The following GTF2IRD1 variants were observed in gnomAD, a reference collection of about 807,000 sequenced individuals.
GTF2IRD1 encodes the protein general transcription factor II-I repeat domain-containing protein 1.
In GTF2IRD1, 26 loss-of-function variants were observed where a neutral mutation model predicts 113.2. The observed-to-expected ratio is 0.23, with a 90% CI of 0.17 to 0.32. GTF2IRD1 has a LOEUF of 0.32. Ranked by LOEUF, GTF2IRD1 falls within the 10% of genes least tolerant of loss-of-function variation. The probability of loss-of-function intolerance (pLI) is 1.00; values close to 1 mark genes in which losing one functional copy is unlikely to be tolerated. For missense variants in GTF2IRD1, 864 were observed against 1,280.8 expected (o/e 0.67, Z 4.97); for synonymous variants, 484 against 529.1 (o/e 0.91, Z 1.17).
At chr7:74,513,083 G>A (rs1196955017) in intron 3 of GTF2IRD1, 112 bp downstream of exon 3, 1 of 1,020,520 alleles carries the variant, frequency 9.8e-7, no homozygotes, top group East Asian at 2.4e-5. Flanking sequence ...TGTGTGGGGA[G>A]TGAACCTAAC....
At chr7:74,468,727 C>A (rs1325838761) in intron 1 of GTF2IRD1, among the ~76,000 whole-genome samples, 4 of 140,470 alleles carry the variant, frequency 2.8e-5, no homozygotes, top group African/African-American at 1.1e-4. Flanking sequence ...TGTGTGTAGC[C>A]TGGCAGACTT....
At chr7:74,459,731 G>A (rs1178097480) in intron 1 of GTF2IRD1, among the ~76,000 whole-genome samples, 1 of 152,144 alleles carries the variant, frequency 6.6e-6, no homozygotes, top group African/African-American at 2.4e-5. Context: ...CAATATTTGG[G>A]ATGAACTTCT....
intron 22 of GTF2IRD1, 118 bp downstream of exon 22, chr7:74,559,773 C>T: frequency 2.6e-6 from 2 of 773,770 alleles, no homozygotes; most frequent in Non-Finnish European, 3.9e-6. Flanking sequence ...GAAGCCAGGC[C>T]CCTGCCTTTC....
chr7:74,534,712 C>CA (rs1364971021), intron 9 of GTF2IRD1, among the ~76,000 whole-genome samples: 2 of 150,006 alleles, frequency 1.3e-5, no homozygotes, highest in South Asian at 2.1e-4. Context: ...GACTCCATCT[C>CA]AAAAAAAAAG....
intron 20 of GTF2IRD1, 109 bp from the exon 21 acceptor site, chr7:74,558,752 T>C: frequency 1.3e-6 from 1 of 757,510 alleles, no homozygotes; most frequent in Admixed American, 2.8e-5. Flanking sequence ...TCTCGTACCA[T>C]TCACTCTCCT....
rs781916322 is a variant in GTF2IRD1, at chr7:74,538,187, G to A, written c.1447+14G>A. ...ACTGTGGGCCAGGTGAGAAGGAACA[G>A]GGCCCGCTGTGTGTGTGGTGGGCCG... On this transcript the variant is annotated intron_variant, in intron 12 of 26. Coordinates refer to ENST00000424337, the MANE Select transcript of GTF2IRD1 (RefSeq NM_005685.4). The A allele has an allele frequency of 1.3e-5, 21 of 1,612,086 alleles. No individual in the cohort carries two copies. Among genetic ancestry groups the A allele is most frequent in the Admixed American group, 1.7e-5 (1 of 59,994 alleles).
chr7:74,463,501 T>G (rs1793510087), intron 1 of GTF2IRD1, among the ~76,000 whole-genome samples: 1 of 151,814 alleles, frequency 6.6e-6, no homozygotes, highest in Admixed American at 6.6e-5. Context: ...TCCCAAGTGC[T>G]GGGATTAGAG....
chr7:74,572,721 G>T (rs1401047918), intron 22 of GTF2IRD1: 2 of 172,144 alleles, frequency 1.2e-5, no homozygotes, highest in Non-Finnish European at 2.3e-5. Flanking sequence ...GCTCTTGAAA[G>T]CTCAAAATAA....
chr7:74,456,856 G>A (rs1793012557), intron 1 of GTF2IRD1, among the ~76,000 whole-genome samples: 1 of 152,004 alleles, frequency 6.6e-6, no homozygotes, highest in Non-Finnish European at 1.5e-5. Flanking sequence ...AGGGTAGGGG[G>A]TCAGGATTAT....
Position 74,527,617 on chromosome 7 carries a change from G to A in GTF2IRD1, c.1091-2117G>A, listed in dbSNP as rs587704897. Among the ~76,000 whole-genome samples, 17 of 152,324 alleles carry A rather than the reference G, an allele frequency of 1.1e-4. No homozygotes were observed. The South Asian group carries it at 2.9e-3, about 26-fold the overall frequency. ...AGCACTTTGGGAGGCCAAGGCAGGC[G>A]GATCACCTGAGGTCAGGAGTTCAAA... On this transcript the variant is annotated intron_variant, in intron 8 of 26. Coordinates refer to ENST00000424337, the MANE Select transcript of GTF2IRD1 (RefSeq NM_005685.4).
chr7:74,573,417 G>A (rs1439177909), intron 22 of GTF2IRD1, among the ~76,000 whole-genome samples: 10 of 150,488 alleles, frequency 6.6e-5, no homozygotes, highest in African/African-American at 2.0e-4. Context: ...AAAAAAAAAC[G>A]ATTAAAATTT....
intron 22 of GTF2IRD1, among the ~76,000 whole-genome samples, chr7:74,583,889 C>G (rs1801572299): frequency 6.6e-6 from 1 of 152,014 alleles, no homozygotes; most frequent in South Asian, 2.1e-4. Context: ...TGTGATGAGC[C>G]CCAGCGTGCA....
At chr7:74,522,426 G>A (rs781853247) in intron 7 of GTF2IRD1, among the ~76,000 whole-genome samples, 5 of 152,286 alleles carry the variant, frequency 3.3e-5, no homozygotes, top group Middle Eastern at 3.4e-3. Context: ...TAGGCCAGGT[G>A]CGGTGACTCA....
intron 13 of GTF2IRD1, 82 bp from the exon 14 acceptor site, chr7:74,539,797 C>A: frequency 1.1e-6 from 1 of 921,454 alleles, no homozygotes; most frequent in Non-Finnish European, 1.8e-6. Context: ...TGTGGGGAGA[C>A]TGGGCTGGGT....
intron 17 of GTF2IRD1, among the ~76,000 whole-genome samples, chr7:74,549,035 C>A (rs1260137202): frequency 7.6e-6 from 1 of 132,290 alleles, no homozygotes; most frequent in African/African-American, 3.6e-5. Flanking sequence ...GCCTGTAATC[C>A]CAGCTGGCAT....
At position 74,477,606 on chromosome 7, in the gene GTF2IRD1, C is replaced by T. The variant is rs1412712660; in HGVS notation, c.-7+23430C>T. Among the ~76,000 whole-genome samples the T allele has an allele frequency of 2.0e-5, 3 of 152,170 alleles. No homozygotes were observed. In the East Asian group the frequency reaches 5.8e-4, roughly 29 times the overall value. On this transcript the variant is annotated intron_variant, in intron 1 of 26. Coordinates refer to ENST00000424337, the MANE Select transcript of GTF2IRD1 (RefSeq NM_005685.4). The stretch of plus-strand genomic sequence containing the variant: ...CATTGACAGATGGAGAAACTGAGGC[C>T]CAGGGAGGGGCAGTGCTAGTGCTGA...
chr7:74,499,293 G>C (rs1477141909), intron 1 of GTF2IRD1, among the ~76,000 whole-genome samples: 1 of 152,180 alleles, frequency 6.6e-6, no homozygotes, highest in Non-Finnish European at 1.5e-5. Flanking sequence ...CCAATGGCCC[G>C]GCGGAGGTGT....
chr7:74,534,925 C>A (rs775025511), intron 9 of GTF2IRD1, among the ~76,000 whole-genome samples, 188 bp from the exon 10 acceptor site: 1 of 152,054 alleles, frequency 6.6e-6, no homozygotes, highest in Non-Finnish European at 1.5e-5. Flanking sequence ...TAAAAATAAA[C>A]GGTTTGGGAT....
intron 22 of GTF2IRD1, among the ~76,000 whole-genome samples, chr7:74,568,563 G>A (rs1800483268): frequency 1.3e-5 from 2 of 152,084 alleles, no homozygotes; most frequent in Admixed American, 1.3e-4. Flanking sequence ...CAGGAGAATG[G>A]CGTGAACCCG....
Sources: allele counts gnomAD v4.1 joint callset (sites outside exome capture counted in the v4.1 genomes callset), GRCh38; gene constraint gnomAD v4.1.1; transcripts MANE v1.5; gene names NCBI Gene and HGNC (gene_info 2026-07-23, HGNC 2026-07-21).